The following LCOR variants were observed in gnomAD, a reference collection of about 807,000 sequenced individuals.
The protein encoded by LCOR is ligand dependent nuclear receptor corepressor, also known as ligand-dependent corepressor.
In LCOR, 14 loss-of-function variants were observed where a neutral mutation model predicts 64.4. That is an observed-to-expected ratio of 0.22 (90% CI 0.14 to 0.34). LCOR has a LOEUF of 0.34. Among genes scored for constraint, LCOR ranks in the 10% least tolerant of loss-of-function variants. The pLI, the probability that LCOR is intolerant of heterozygous loss-of-function variation, is 1.00. For missense variants in LCOR, 1,686 were observed against 1,765.3 expected, an observed-to-expected ratio of 0.96 and a Z score of 0.80; for synonymous variants, 643 against 642.5, an observed-to-expected ratio of 1.00 and a Z score of -0.01.
At chr10:96,915,769 A>C in intron 4 of LCOR, 1 of 624,302 alleles carries the variant, frequency 1.6e-6, no homozygotes, top group Non-Finnish European at 3.0e-6. Context: ...CCTCCTTTGC[A>C]GGGCCCTTTT....
At chr10:96,975,506 C>T (rs1369946745) in intron 7 of LCOR, among the ~76,000 whole-genome samples, 1 of 151,772 alleles carries the variant, frequency 6.6e-6, no homozygotes, top group African/African-American at 2.4e-5. Context: ...CAGCCACTAT[C>T]TTTGTTACCT....
intron 4 of LCOR, among the ~76,000 whole-genome samples, chr10:96,912,635 C>T (rs1221370249): frequency 6.6e-6 from 1 of 150,436 alleles, no homozygotes; most frequent in African/African-American, 2.4e-5. Context: ...TTCCTTCCTT[C>T]CTTCCTTCCT....
chr10:96,833,704 C>T (rs1321453741), intron 2 of LCOR, among the ~76,000 whole-genome samples: 1 of 152,234 alleles, frequency 6.6e-6, no homozygotes, highest in Non-Finnish European at 1.5e-5. Context: ...TTCTTGGGAA[C>T]CAGGTCTTTC....
At chr10:96,863,853 G>A (rs528411418) in intron 2 of LCOR, among the ~76,000 whole-genome samples, 1 of 152,250 alleles carries the variant, frequency 6.6e-6, no homozygotes, top group South Asian at 2.1e-4. Context: ...CTTTCATGAT[G>A]CTATCTTTTG....
At chr10:96,889,271 A>G (rs185594200) in intron 2 of LCOR, among the ~76,000 whole-genome samples, 198 of 152,306 alleles carry the variant, frequency 1.3e-3, no homozygotes, top group African/African-American at 4.4e-3. Context: ...TTCATTTAGC[A>G]TATTTTTGAA....
intron 2 of LCOR, among the ~76,000 whole-genome samples, chr10:96,868,719 G>A (rs575846993): frequency 3.9e-5 from 6 of 152,226 alleles, no homozygotes; most frequent in Admixed American, 6.5e-5. Context: ...TTCTTTCATA[G>A]CACTTTTAAT....
chr10:96,972,688 G>A (rs1848008776), intron 7 of LCOR, among the ~76,000 whole-genome samples: 1 of 151,330 alleles, frequency 6.6e-6, no homozygotes, highest in South Asian at 2.1e-4. Flanking sequence ...AAGTGCTTCT[G>A]TGATATTTAG....
chr10:96,951,915 T>C (rs575742244), intron 6 of LCOR, among the ~76,000 whole-genome samples, 188 bp from the exon 7 acceptor site: 2 of 152,346 alleles, frequency 1.3e-5, no homozygotes, highest in Non-Finnish European at 2.9e-5. Context: ...CTTGAGGATA[T>C]TAAGTATAAC....
intron 6 of LCOR, among the ~76,000 whole-genome samples, chr10:96,951,850 A>G (rs1270150992): frequency 1.3e-5 from 2 of 152,188 alleles, no homozygotes; most frequent in African/African-American, 2.4e-5. Context: ...ATATCTTAAC[A>G]TCTTCAGTAA....
At chr10:96,925,618 T>C (rs11188969) in intron 4 of LCOR, among the ~76,000 whole-genome samples, 4 of 152,174 alleles carry the variant, frequency 2.6e-5, no homozygotes, top group Non-Finnish European at 4.4e-5. Flanking sequence ...TTTATTTTTG[T>C]GTGTGTATGT....
chr10:96,906,115 A>T (rs1163805091), intron 2 of LCOR, among the ~76,000 whole-genome samples: 3 of 152,198 alleles, frequency 2.0e-5, no homozygotes, highest in Non-Finnish European at 2.9e-5. Context: ...GGGGTACCTT[A>T]TCTTTTAAGC....
chr10:96,966,991 C>T lies in LCOR; in HGVS notation c.333-13802C>T, dbSNP rs189968645. Among the ~76,000 whole-genome samples, 100 of 152,346 alleles carry T rather than the reference C, an allele frequency of 6.6e-4. 1 individual carries two copies. Among genetic ancestry groups the T allele is most frequent in the Admixed American group, 1.4e-3 (22 of 15,306 alleles). ...GCACAAGTGATTTCTCCCACTTTGG[C>T]TTCCCTAAGTGCTAGGATTATAGGC... On this transcript the variant is annotated intron_variant, in intron 7 of 7. Transcript: ENST00000421806.
chr10:96,948,889 A>T, intron 5 of LCOR, 119 bp from the exon 6 acceptor site: 1 of 680,920 alleles, frequency 1.5e-6, no homozygotes, highest in Non-Finnish European at 2.4e-6. Flanking sequence ...CAAAGGGGAG[A>T]TACTATTTTT....
At chr10:96,888,405 T>C (rs1204220338) in intron 2 of LCOR, among the ~76,000 whole-genome samples, 2 of 140,256 alleles carry the variant, frequency 1.4e-5, no homozygotes, top group African/African-American at 2.8e-5. Context: ...CAGTATATAT[T>C]GTCAATTTCA....
intron 2 of LCOR, among the ~76,000 whole-genome samples, chr10:96,855,852 C>T (rs1428726599): frequency 2.6e-5 from 4 of 152,082 alleles, no homozygotes; most frequent in African/African-American, 9.7e-5. Flanking sequence ...AGCGATTCTC[C>T]TGCCTCAGCC....
chr10:96,981,444 G>T lies in LCOR; in HGVS notation c.984G>T (p.Glu328Asp). 1 of 1,614,186 alleles carries T rather than the reference G, an allele frequency of 6.2e-7. No individual in the cohort carries two copies. The highest frequency in any genetic ancestry group is 8.5e-7 in the Non-Finnish European group (1 of 1,180,024). Residue 328 changes from glutamate to aspartate, a missense_variant, in exon 8 of 8, where the codon GAG (glutamate) becomes GAT (aspartate). Transcript: ENST00000421806. ...ESLITVKMAA[E>D]NSEEGNTCII... is the part of the protein sequence containing the mutation. ...TAATTACAGTAAAAATGGCAGCTGA[G>T]AATAGTGAGGAAGGCAATACCTGTA...
rs192493570 is a variant in LCOR at position 96,994,307 on chromosome 10, G to A, written c.*9173G>A. The A allele has an allele frequency of 3.3e-5, 5 of 152,200 alleles. No homozygotes were observed. In the East Asian group the frequency reaches 5.8e-4, roughly 18 times the overall value. The allele number at this position is 152,200 out of a possible 1,614,324, so 9.4% of individuals were successfully genotyped here. A position where few individuals can be genotyped will look rare whatever the true frequency, so the allele number is the denominator to read the frequency against. On this transcript the variant is annotated 3_prime_UTR_variant, in exon 8 of 8. Transcript: ENST00000421806. ...GCTTGAAATGTCTAAAGCTGCCTTC[G>A]TGTCTGGGATTACACCATGTAGGTC...
chr10:96,908,983 A>G (rs951030540), intron 4 of LCOR, among the ~76,000 whole-genome samples: 3 of 151,752 alleles, frequency 2.0e-5, no homozygotes, highest in Non-Finnish European at 1.5e-5. Context: ...CCAAAGTGCT[A>G]GGATTACAGG....
chr10:96,941,998 TG>T (rs1269486780), intron 4 of LCOR, among the ~76,000 whole-genome samples: 1 of 98,590 alleles, frequency 1.0e-5, no homozygotes, highest in Non-Finnish European at 2.2e-5. Flanking sequence ...TCCCAGACGA[TG>T]GGGGGGCAGG....
Sources: allele counts gnomAD v4.1 joint callset (sites outside exome capture counted in the v4.1 genomes callset), GRCh38; gene constraint gnomAD v4.1.1; transcripts MANE v1.5; gene names NCBI Gene and HGNC (gene_info 2026-07-23, HGNC 2026-07-21).